The following ELN variants were observed in gnomAD, a reference collection of about 807,000 sequenced individuals.
The protein encoded by ELN is tropoelastin.
A neutral mutation model predicts 105.8 loss-of-function variants in ELN; 65 were observed. The ratio of observed to expected loss-of-function variants is 0.61; its 90% CI spans 0.50 to 0.75. ELN has a LOEUF of 0.75. Among genes scored for constraint, ELN ranks in the 30% least tolerant of loss-of-function variants. The probability of loss-of-function intolerance (pLI) is 0.00; values close to 1 mark genes in which losing one functional copy is unlikely to be tolerated. For synonymous variants in ELN, 368 were observed against 389.2 expected, an observed-to-expected ratio of 0.95 and a Z score of 0.64; for missense variants, 882 against 969.4, an observed-to-expected ratio of 0.91 and a Z score of 1.20.
At chr7:74,065,369 C>T (rs1367676687) in intron 29 of ELN, among the ~76,000 whole-genome samples, 1 of 151,894 alleles carries the variant, frequency 6.6e-6, no homozygotes, top group Non-Finnish European at 1.5e-5. Flanking sequence ...AATGTCAGCA[C>T]TTTGGGAGGC....
chr7:74,059,808 G>C (rs1035493130), intron 22 of ELN, 78 bp from the exon 23 acceptor site: 6 of 828,114 alleles, frequency 7.2e-6, no homozygotes, highest in Admixed American at 3.4e-5. Flanking sequence ...CAGGGCCGAG[G>C]CTCCAGCCCT....
In ELN at chr7:74,031,847, A is replaced by C. The variant is rs146041199; in HGVS notation, c.83-3517A>C. 4.2e-3 allele frequency among the ~76,000 whole-genome samples: 611 copies of C among 146,648 alleles called. 2 individuals are homozygous for C. Among genetic ancestry groups the C allele is most frequent in the African/African-American group, 0.015 (575 of 39,474 alleles). On this transcript the variant is annotated intron_variant, in intron 1 of 32. Transcript: ENST00000252034. ...GAGAGAGAGAGACAGAAAGAAAGAAAGGAAGGAAGGAAAGAAGGAAGGAAG... is the reference window on the plus strand; with the variant it reads ...GAGAGAGAGAGACAGAAAGAAAGAACGGAAGGAAGGAAAGAAGGAAGGAAG...
At chr7:74,035,452 G>A (rs377303677) in intron 2 of ELN, 38 bp downstream of exon 2, 15 of 1,611,720 alleles carry the variant, frequency 9.3e-6, no homozygotes, top group Middle Eastern at 1.6e-4. Context: ...CAGGTCATGC[G>A]GATGATGCTG....
At chr7:74,042,041 C>T (rs1426736831) in intron 5 of ELN, among the ~76,000 whole-genome samples, 2 of 148,584 alleles carry the variant, frequency 1.3e-5, no homozygotes, top group Non-Finnish European at 3.0e-5. Context: ...TGCCCAGCCA[C>T]AAGACCCCAT....
intron 4 of ELN, among the ~76,000 whole-genome samples, chr7:74,038,543 A>T (rs1554666920): frequency 1.3e-5 from 2 of 152,220 alleles, no homozygotes. Flanking sequence ...AGCTCTGGGG[A>T]ATGCACCCCC....
rs1265631518 is a variant in ELN at position 74,068,530 on chromosome 7, C to T, written c.2132-127C>T. On this transcript the variant is annotated intron_variant, in intron 32 of 32. Transcript: ENST00000252034. ...GGCATGGATCAGGTCTGAGTTTGGC[C>T]TGGGGCCATGACTTGGCTTCTCTTG... The T allele has an allele frequency of 2.2e-5, 26 of 1,162,992 alleles. No homozygotes were observed. The East Asian group carries it at 6.3e-4, about 28-fold the overall frequency. 72.0% of individuals were successfully genotyped at this position (1,162,992 alleles called of 1,614,324 possible).
chr7:74,036,499 G>A (rs918481086), intron 2 of ELN, 56 bp from the exon 3 acceptor site: 31 of 1,610,756 alleles, frequency 1.9e-5, no homozygotes, highest in African/African-American at 2.7e-5. Context: ...GGGTGGCAGC[G>A]GGCTTGCCTG....
At chr7:74,047,795 C>G (rs1057498455) in intron 13 of ELN, 79 bp downstream of exon 13, 7 of 1,601,172 alleles carry the variant, frequency 4.4e-6, no homozygotes, top group African/African-American at 1.3e-5. Flanking sequence ...GTGCTTCCAG[C>G]CCTGGGCCAG....
rs1554664884 is a variant in ELN at position 74,035,381 on chromosome 7, C to G, written c.100C>G (p.Pro34Ala). Reference protein sequence around the residue: ...SRPGGVPGAIPGGVPGGVFYP... With the variant: ...SRPGGVPGAIAGGVPGGVFYP... ...CCTTTCAGGGGTCCCTGGGGCCATT[C>G]CTGGTGGAGTTCCTGGAGGAGTCTT... Residue 34 changes from proline to alanine, a missense_variant, in exon 2 of 33, where the codon CCT (proline) becomes GCT (alanine). Transcript: ENST00000252034. 1 of 1,614,086 alleles carries G rather than the reference C, an allele frequency of 6.2e-7. No individual in the cohort carries two copies. The highest frequency in any genetic ancestry group is 1.7e-5 in the Admixed American group (1 of 60,008).
chr7:74,045,788 C>G (rs1792336589), intron 10 of ELN: 1 of 311,918 alleles, frequency 3.2e-6, no homozygotes, highest in Non-Finnish European at 6.1e-6. Context: ...GTGGCTCATG[C>G]CTGTAATCCC....
Position 74,069,031 on chromosome 7 carries a change from G to GGGAGGGA in ELN, c.*339_*345dup, listed in dbSNP as rs1584080565. 2.5e-5 allele frequency: 11 copies of GGGAGGGA among 438,218 alleles called. No homozygotes were observed. In the East Asian group the frequency reaches 3.9e-4, roughly 16 times the overall value. 27.1% of individuals were successfully genotyped at this position (438,218 alleles called of 1,614,324 possible). On this transcript the variant is annotated 3_prime_UTR_variant, in exon 33 of 33. Coordinates refer to ENST00000252034, the MANE Select transcript of ELN (RefSeq NM_000501.4). ...ACGCTGGTGCTCTTATCTTCCTGGG[G>GGGAGGGA]GGAGGGAGGAGGGAAGGGTGGCCCC...
chr7:74,033,197 G>A (rs1789089472), intron 1 of ELN, among the ~76,000 whole-genome samples: 1 of 152,346 alleles, frequency 6.6e-6, no homozygotes, highest in East Asian at 1.9e-4. Context: ...AAGAAGCAGC[G>A]AAGGCAGAAT....
Position 74,028,201 on chromosome 7 carries a change from C to T in ELN, c.14C>T (p.Thr5Met), listed in dbSNP as rs781784045. Residue 5 changes from threonine (T) to methionine (M), a missense_variant, in exon 1 of 33, where the codon ACG (threonine) becomes ATG (methionine). Thr to Met is a moderately conservative substitution (Grantham distance 81). Coordinates refer to ENST00000252034, the MANE Select transcript of ELN (RefSeq NM_000501.4). ...TTTCTCCCCGAGATGGCGGGTCTGA[C>T]GGCGGCGGCCCCGCGGCCCGGAGTC... The part of the protein sequence containing the change: MAGL[T>M]AAAPRPGVLL... 8.1e-6 allele frequency: 13 copies of T among 1,610,962 alleles called. No individual in the cohort carries two copies. Among genetic ancestry groups the T allele is most frequent in the South Asian group, 6.6e-5 (6 of 90,918 alleles).
At chr7:74,029,892 C>A (rs1300769677) in intron 1 of ELN, among the ~76,000 whole-genome samples, 1 of 152,184 alleles carries the variant, frequency 6.6e-6, no homozygotes, top group Non-Finnish European at 1.5e-5. Flanking sequence ...AGGCAGTCCC[C>A]GGGGGTTAGT....
chr7:74,052,566 G>A (rs782512085), intron 17 of ELN: 10 of 172,184 alleles, frequency 5.8e-5, no homozygotes, highest in South Asian at 2.7e-4. Flanking sequence ...GCCTGGGTAA[G>A]TGAGAATTTG....
chr7:74,037,785 G>T (rs1790322616), intron 4 of ELN, 46 bp downstream of exon 4: 1 of 1,601,782 alleles, frequency 6.2e-7, no homozygotes, highest in Non-Finnish European at 8.5e-7. Context: ...GAGGGAGCTG[G>T]GGAGGGAGGA....
rs2131210393 is a variant in ELN at position 74,036,604 on chromosome 7, T to C, written c.163+20T>C. 1 of 1,614,114 alleles carries C rather than the reference T, an allele frequency of 6.2e-7. No homozygotes were observed. Among genetic ancestry groups the C allele is most frequent in the African/African-American group, 1.3e-5 (1 of 75,032 alleles). On this transcript the variant is annotated intron_variant, in intron 3 of 32. Coordinates refer to ENST00000252034, the MANE Select transcript of ELN (RefSeq NM_000501.4). ...GAGGAGGTGAGCTCAGAAACCACACTTGTTCATCACTGAAAGGGCCTGGGT... is the reference window on the plus strand; with the variant it reads ...GAGGAGGTGAGCTCAGAAACCACACCTGTTCATCACTGAAAGGGCCTGGGT...
In ELN at chr7:74,048,543, A is replaced by T. The variant is rs782342976; in HGVS notation, c.786A>T (p.Ala262=). The change falls in exon 15 of 33, where the codon GCA becomes GCT. Residue 262 remains alanine, a synonymous_variant. Transcript: ENST00000252034. The stretch of plus-strand genomic sequence containing the variant: ...CAGCAGCAGCAGCGGCAGCTAAAGC[A>T]GCAGCAAAGTTCGGTGAGTGCCCCT... The part of the protein sequence containing the change: ...PQAAAAAAAK[A]AAKFGAGAAG... 3 of 1,613,970 alleles carry T rather than the reference A, an allele frequency of 1.9e-6. No individual in the cohort carries two copies. Among genetic ancestry groups the T allele is most frequent in the Non-Finnish European group, 1.7e-6 (2 of 1,179,928 alleles).
chr7:74,031,899 AG>A (rs1788785996), intron 1 of ELN, among the ~76,000 whole-genome samples: 1 of 151,400 alleles, frequency 6.6e-6, no homozygotes, highest in Non-Finnish European at 1.5e-5. Context: ...GAAGGAAGGA[AG>A]GAAGGAAGGA....
Sources: allele counts gnomAD v4.1 joint callset (sites outside exome capture counted in the v4.1 genomes callset), GRCh38; gene constraint gnomAD v4.1.1; transcripts MANE v1.5; gene names NCBI Gene and HGNC (gene_info 2026-07-23, HGNC 2026-07-21).